The following DCLK1 variants were observed in gnomAD, a reference collection of about 807,000 sequenced individuals.
DCLK1 encodes the protein doublecortin like kinase 1.
Under a neutral mutation model 86.2 loss-of-function variants are expected in DCLK1, and 16 were observed. The ratio of observed to expected loss-of-function variants is 0.19; its 90% CI spans 0.13 to 0.28. DCLK1 has a LOEUF of 0.28. DCLK1 is among the 10% of genes least tolerant of loss of function. DCLK1 has a pLI of 1.00. For missense variants in DCLK1, 590 were observed against 940.2 expected (o/e 0.63, Z 4.87); for synonymous variants, 369 against 370.5 (o/e 1.00, Z 0.05).
chr13:35,849,311 C>A (rs1870436898), intron 6 of DCLK1: 1 of 985,026 alleles, frequency 1.0e-6, no homozygotes, highest in African/African-American at 1.7e-5. Flanking sequence ...AACTGAATTT[C>A]TCTCCATCTT....
intron 3 of DCLK1, among the ~76,000 whole-genome samples, chr13:35,986,251 GAGATCATGCCA>G (rs950278356): frequency 8.4e-5 from 11 of 131,598 alleles, no homozygotes; most frequent in Non-Finnish European, 1.2e-4. Context: ...GCAGTAAGCC[GAGATCATGCCA>G]TTGCACTCCA....
chr13:35,938,093 C>A (rs533214876), intron 4 of DCLK1, among the ~76,000 whole-genome samples: 1 of 152,194 alleles, frequency 6.6e-6, no homozygotes, highest in South Asian at 2.1e-4. Context: ...AGAAAGGAGA[C>A]TTCATTTTTT....
At chr13:35,998,507 C>G (rs1160659456) in intron 3 of DCLK1, among the ~76,000 whole-genome samples, 3 of 152,058 alleles carry the variant, frequency 2.0e-5, no homozygotes, top group African/African-American at 7.2e-5. Context: ...TCTCCCTTCC[C>G]CTCCAATTAA....
chr13:35,781,831 T>C (rs989806883), intron 16 of DCLK1, among the ~76,000 whole-genome samples: 1 of 152,212 alleles, frequency 6.6e-6, no homozygotes, highest in African/African-American at 2.4e-5. Flanking sequence ...GGGGACTACA[T>C]TACGATTTGC....
At chr13:35,981,105 A>T (rs1020466655) in intron 3 of DCLK1, among the ~76,000 whole-genome samples, 3 of 152,182 alleles carry the variant, frequency 2.0e-5, no homozygotes, top group Non-Finnish European at 4.4e-5. Flanking sequence ...TGCTAGGAAC[A>T]AAGAGAGCCA....
chr13:35,910,990 C>A (rs995473852), intron 4 of DCLK1, among the ~76,000 whole-genome samples: 7 of 151,992 alleles, frequency 4.6e-5, no homozygotes, highest in African/African-American at 1.7e-4. Flanking sequence ...GTCTAAATAA[C>A]TGTTAAATTT....
intron 3 of DCLK1, among the ~76,000 whole-genome samples, chr13:36,057,878 C>T (rs1883394899): frequency 6.6e-6 from 1 of 152,160 alleles, no homozygotes; most frequent in African/African-American, 2.4e-5. Context: ...GTCTATTAAA[C>T]ATATGCTTCT....
intron 3 of DCLK1, among the ~76,000 whole-genome samples, chr13:36,052,966 T>C (rs997224776): frequency 2.0e-5 from 3 of 152,160 alleles, no homozygotes; most frequent in Non-Finnish European, 2.9e-5. Flanking sequence ...ATGGGGTGCT[T>C]ACAATCTCTG....
At chr13:35,855,791 C>A (rs1419036400) in intron 5 of DCLK1, 15 of 1,266,200 alleles carry the variant, frequency 1.2e-5, no homozygotes, top group Non-Finnish European at 1.5e-5. Flanking sequence ...CAACAGCAAC[C>A]CCCATCCCGA....
intron 3 of DCLK1, among the ~76,000 whole-genome samples, chr13:36,096,187 A>G (rs1294759416): frequency 6.6e-6 from 1 of 152,244 alleles, no homozygotes; most frequent in Admixed American, 6.5e-5. Context: ...AAGCAATCTC[A>G]GTTCCTCACT....
chr13:36,089,616 T>C (rs1884744475), intron 3 of DCLK1, among the ~76,000 whole-genome samples: 1 of 152,194 alleles, frequency 6.6e-6, no homozygotes, highest in Non-Finnish European at 1.5e-5. Flanking sequence ...AAGCATCTTC[T>C]TTTTTCTTTG....
chr13:35,967,254 G>A (rs1297855857), intron 3 of DCLK1, among the ~76,000 whole-genome samples: 7 of 150,018 alleles, frequency 4.7e-5, no homozygotes, highest in African/African-American at 1.2e-4. Context: ...GAGGTTGGGG[G>A]CGCCTCTGCC....
intron 16 of DCLK1, among the ~76,000 whole-genome samples, chr13:35,781,823 G>A (rs1221515105): frequency 6.6e-6 from 1 of 152,066 alleles, no homozygotes; most frequent in East Asian, 1.9e-4. Context: ...TACTCTGTGG[G>A]GACTACATTA....
intron 3 of DCLK1, among the ~76,000 whole-genome samples, chr13:36,022,356 T>C (rs925723786): frequency 2.0e-5 from 3 of 151,740 alleles, no homozygotes; most frequent in African/African-American, 7.3e-5. Context: ...CTTAAGGAAA[T>C]TGGAAAACAA....
intron 3 of DCLK1, among the ~76,000 whole-genome samples, chr13:36,075,460 C>G (rs898866308): frequency 6.6e-6 from 1 of 152,082 alleles, no homozygotes; most frequent in African/African-American, 2.4e-5. Flanking sequence ...TTTGGGAAAT[C>G]GAGCATATGT....
At chr13:35,789,887 T>C (rs1362021184) in intron 16 of DCLK1, among the ~76,000 whole-genome samples, 2 of 147,690 alleles carry the variant, frequency 1.4e-5, no homozygotes, top group African/African-American at 5.0e-5. Context: ...TCTCTCTCTC[T>C]TTTTTTTTTC....
At chr13:36,041,815 A>G (rs1364511058) in intron 3 of DCLK1, among the ~76,000 whole-genome samples, 1 of 152,178 alleles carries the variant, frequency 6.6e-6, no homozygotes, top group East Asian at 1.9e-4. Context: ...AATTTTATAC[A>G]TTCTAAATGC....
chr13:35,977,087 G>T (rs1879387405), intron 3 of DCLK1, among the ~76,000 whole-genome samples: 1 of 151,748 alleles, frequency 6.6e-6, no homozygotes, highest in East Asian at 1.9e-4. Context: ...GTTAAGAAAT[G>T]ACAAAAATAA....
chr13:35,921,405 C>T, intron 4 of DCLK1, among the ~76,000 whole-genome samples: 1 of 152,152 alleles, frequency 6.6e-6, no homozygotes, highest in East Asian at 1.9e-4. Context: ...TCAGACCCCA[C>T]CTCGGGCACC....
Sources: gnomAD v4.1 joint callset for allele counts (sites outside exome capture counted in the v4.1 genomes callset) on GRCh38, gnomAD v4.1.1 for gene constraint, MANE v1.5 for transcripts, NCBI Gene and HGNC (gene_info 2026-07-23, HGNC 2026-07-21) for gene names.